The following RBMS3 variants were observed in gnomAD, a reference collection of about 807,000 sequenced individuals.
The protein encoded by RBMS3 is RNA-binding motif, single-stranded-interacting protein 3.
A neutral mutation model predicts 66.8 loss-of-function variants in RBMS3; 27 were observed. That is an observed-to-expected ratio of 0.40 (90% confidence interval 0.30 to 0.56). The LOEUF is 0.56. RBMS3 is among the 20% of genes least tolerant of loss of function. The probability of loss-of-function intolerance (pLI) is 0.40; values close to 1 mark genes in which losing one functional copy is unlikely to be tolerated. For missense variants in RBMS3, 513 were observed against 549.5 expected, an observed-to-expected ratio of 0.93 and a Z score of 0.66; for synonymous variants, 188 against 183.0, an observed-to-expected ratio of 1.03 and a Z score of -0.22.
intron 12 of RBMS3, among the ~76,000 whole-genome samples, chr3:29,972,963 C>T (rs1348944567): frequency 2.0e-5 from 3 of 151,870 alleles, no homozygotes; most frequent in Non-Finnish European, 2.9e-5. Context: ...CAAGCCTAGT[C>T]GACAGACAAA....
At chr3:29,900,826 T>C (rs147785100) in intron 10 of RBMS3, among the ~76,000 whole-genome samples, 42 of 151,930 alleles carry the variant, frequency 2.8e-4, no homozygotes, top group Admixed American at 2.5e-3. Flanking sequence ...GAAGAAGCAG[T>C]GCTAAATTTT....
At chr3:29,386,366 C>A (rs1346323089) in intron 1 of RBMS3, among the ~76,000 whole-genome samples, 2 of 152,014 alleles carry the variant, frequency 1.3e-5, no homozygotes, top group Non-Finnish European at 2.9e-5. Context: ...CAGCTGTTAA[C>A]TTTACTATTT....
intron 2 of RBMS3, among the ~76,000 whole-genome samples, chr3:29,472,960 C>T (rs1324691296): frequency 6.6e-5 from 10 of 150,848 alleles, no homozygotes; most frequent in Admixed American, 2.7e-4. Context: ...TTTGACAGGG[C>T]GCTGATTGGT....
chr3:29,964,761 A>G (rs962584631), intron 12 of RBMS3, among the ~76,000 whole-genome samples: 2 of 152,036 alleles, frequency 1.3e-5, no homozygotes, highest in South Asian at 4.2e-4. Context: ...TACAGGTGGT[A>G]TTTGGTTACA....
intron 3 of RBMS3, among the ~76,000 whole-genome samples, chr3:29,562,087 A>G (rs2046577755): frequency 6.6e-6 from 1 of 152,192 alleles, no homozygotes; most frequent in African/African-American, 2.4e-5. Context: ...ATTCAACTTT[A>G]GCATCCTGTA....
At chr3:29,787,745 T>C (rs967382265) in intron 6 of RBMS3, among the ~76,000 whole-genome samples, 1 of 152,102 alleles carries the variant, frequency 6.6e-6, no homozygotes, top group African/African-American at 2.4e-5. Context: ...CATATGCTGC[T>C]AGGGTCATGG....
intron 14 of RBMS3, among the ~76,000 whole-genome samples, chr3:29,997,721 C>T (rs184259545): frequency 3.9e-3 from 598 of 152,074 alleles, no homozygotes; most frequent in African/African-American, 0.013. Context: ...TTCAACAACC[C>T]TTCATGCTAA....
chr3:29,482,959 G>A (rs1240728801), intron 2 of RBMS3, among the ~76,000 whole-genome samples: 1 of 151,314 alleles, frequency 6.6e-6, no homozygotes, highest in African/African-American at 2.4e-5. Flanking sequence ...ACCCACCTCG[G>A]TCTCCCAAAG....
intron 1 of RBMS3, among the ~76,000 whole-genome samples, chr3:29,384,465 G>GAAC (rs2038919034): frequency 1.3e-5 from 2 of 149,282 alleles, no homozygotes; most frequent in African/African-American, 4.9e-5. Context: ...AGAAGAAGAA[G>GAAC]AATCCAGAAA....
intron 8 of RBMS3, among the ~76,000 whole-genome samples, chr3:29,890,076 T>C (rs888789025): frequency 6.6e-6 from 1 of 151,626 alleles, no homozygotes. Flanking sequence ...ATTAAAGAAA[T>C]AGGAGGATTA....
intron 1 of RBMS3, among the ~76,000 whole-genome samples, chr3:29,426,830 G>C (rs141373777): frequency 6.6e-6 from 1 of 152,046 alleles, no homozygotes; most frequent in Non-Finnish European, 1.5e-5. Context: ...AATGACAATG[G>C]TAATGATGAG....
At chr3:29,346,552 G>A (rs113749775) in intron 1 of RBMS3, among the ~76,000 whole-genome samples, 31 of 151,492 alleles carry the variant, frequency 2.0e-4, no homozygotes, top group African/African-American at 6.3e-4. Flanking sequence ...TACAGGTGCC[G>A]ACCACCATGC....
intron 4 of RBMS3, among the ~76,000 whole-genome samples, chr3:29,737,534 T>C (rs1223469502): frequency 6.6e-6 from 1 of 152,150 alleles, no homozygotes; most frequent in Non-Finnish European, 1.5e-5. Flanking sequence ...CATGTCTCCA[T>C]TTCCTCATTA....
intron 6 of RBMS3, among the ~76,000 whole-genome samples, chr3:29,819,258 C>A (rs2058008043): frequency 6.6e-6 from 1 of 152,106 alleles, no homozygotes; most frequent in African/African-American, 2.4e-5. Context: ...ACTTAAAGGG[C>A]CAACTAGTAA....
chr3:29,626,123 T>G (rs1453489961), intron 4 of RBMS3, among the ~76,000 whole-genome samples: 1 of 152,218 alleles, frequency 6.6e-6, no homozygotes, highest in Non-Finnish European at 1.5e-5. Flanking sequence ...GGAAGCTGTT[T>G]TCCTGATCTG....
chr3:29,788,536 C>T (rs1408444017), intron 6 of RBMS3, among the ~76,000 whole-genome samples: 1 of 152,088 alleles, frequency 6.6e-6, no homozygotes, highest in Non-Finnish European at 1.5e-5. Flanking sequence ...GGAGTTCATT[C>T]TTAAGGGTAC....
At chr3:29,653,225 T>A (rs1003523601) in intron 4 of RBMS3, among the ~76,000 whole-genome samples, 1 of 152,194 alleles carries the variant, frequency 6.6e-6, no homozygotes, top group African/African-American at 2.4e-5. Flanking sequence ...AGATCTCAGA[T>A]AAGCTAATTA....
chr3:29,816,768 A>G (rs546742324), intron 6 of RBMS3, among the ~76,000 whole-genome samples: 24 of 152,292 alleles, frequency 1.6e-4, no homozygotes, highest in African/African-American at 5.8e-4. Flanking sequence ...TACTTAAGAC[A>G]TGCTTGATCC....
At chr3:29,525,006 A>G (rs1422487261) in intron 3 of RBMS3, among the ~76,000 whole-genome samples, 1 of 152,054 alleles carries the variant, frequency 6.6e-6, no homozygotes, top group African/African-American at 2.4e-5. Flanking sequence ...GTGAGCTATG[A>G]TCATGGGACC....
Sources: gnomAD v4.1 joint callset for allele counts (sites outside exome capture counted in the v4.1 genomes callset) on GRCh38, gnomAD v4.1.1 for gene constraint, MANE v1.5 for transcripts, NCBI Gene and HGNC (gene_info 2026-07-23, HGNC 2026-07-21) for gene names.